The following SLC9A3 variants were observed in gnomAD, a reference collection of about 807,000 sequenced individuals.
SLC9A3 encodes the protein solute carrier family 9 member A3.
A neutral mutation model predicts 86.8 loss-of-function variants in SLC9A3; 37 were observed. The ratio of observed to expected loss-of-function variants is 0.43; its 90% confidence interval spans 0.33 to 0.56. The LOEUF (loss-of-function observed/expected upper bound fraction) is 0.56, where lower values mean the gene tolerates loss of function less well. Among genes scored for constraint, SLC9A3 ranks in the 20% least tolerant of loss-of-function variants. The probability of loss-of-function intolerance (pLI) is 0.06; values close to 1 mark genes in which losing one functional copy is unlikely to be tolerated. For synonymous variants in SLC9A3, 581 were observed against 528.3 expected (o/e 1.10, Z -1.37); for missense variants, 1,011 against 1,171.9 (o/e 0.86, Z 2.00).
At chr5:481,229 G>A (rs145312643) in intron 9 of SLC9A3, among the ~76,000 whole-genome samples, 82 of 152,360 alleles carry the variant, frequency 5.4e-4, no homozygotes, top group African/African-American at 1.9e-3. Context: ...TGTTTATGAC[G>A]TGGAGGAAAT....
At chr5:473,653 G>A (rs891492071) in intron 16 of SLC9A3, among the ~76,000 whole-genome samples, 4 of 152,298 alleles carry the variant, frequency 2.6e-5, no homozygotes, top group African/African-American at 7.2e-5. Context: ...GGAAGGTCCC[G>A]CCCCAGGCCC....
In SLC9A3 at chr5:502,284, C is replaced by A. The variant is rs778506531; in HGVS notation, c.212-10213G>T. On this transcript the variant is annotated intron_variant, in intron 1 of 16. Coordinates refer to ENST00000264938, the MANE Select transcript of SLC9A3 (RefSeq NM_004174.4). ...TCTGGGACCCAGCCGCTCCGGCCCC[C>A]CACCCCCAGAGACGGCCCAGGCCCC... Among the ~76,000 whole-genome samples the A allele has an allele frequency of 8.9e-4, 135 of 152,228 alleles. 3 individuals are homozygous for A. The highest frequency in any genetic ancestry group is 9.8e-4 in the Admixed American group (15 of 15,288).
At chr5:488,076 C>A (rs916566418) in intron 3 of SLC9A3, among the ~76,000 whole-genome samples, 1 of 152,248 alleles carries the variant, frequency 6.6e-6, no homozygotes, top group Non-Finnish European at 1.5e-5. Flanking sequence ...CCATCATTAA[C>A]CCTGAAGCTA....
chr5:476,175 C>T (rs1234319407), intron 13 of SLC9A3, 27 bp downstream of exon 13: 4 of 1,613,006 alleles, frequency 2.5e-6, no homozygotes, highest in Non-Finnish European at 3.4e-6. Flanking sequence ...CCCAGCCCCG[C>T]CAAGCCTCCT....
intron 3 of SLC9A3, 90 bp from the exon 4 acceptor site, chr5:485,321 G>T: frequency 9.5e-7 from 1 of 1,054,328 alleles, no homozygotes; most frequent in Non-Finnish European, 1.5e-6. Flanking sequence ...TGGCCCGAGT[G>T]TGGAGCCCAT....
intron 5 of SLC9A3, 64 bp from the exon 6 acceptor site, chr5:483,546 G>T (rs1160290386): frequency 8.4e-6 from 10 of 1,195,692 alleles, no homozygotes; most frequent in Non-Finnish European, 1.1e-5. Flanking sequence ...CCCCGTGTCC[G>T]CCCAGCCCCC....
At chr5:482,201 A>C in intron 7 of SLC9A3, 44 bp from the exon 8 acceptor site, 15 of 1,421,822 alleles carry the variant, frequency 1.1e-5, no homozygotes, top group Non-Finnish European at 1.5e-5. Context: ...GCAGCCCCCC[A>C]CATCCCGCTG....
chr5:517,838 C>CA (rs1731655038), intron 1 of SLC9A3, among the ~76,000 whole-genome samples: 1 of 146,320 alleles, frequency 6.8e-6, no homozygotes, highest in Non-Finnish European at 1.5e-5. Context: ...TCCATCCATC[C>CA]ACTCATCCAC....
chr5:476,622 C>CG lies in SLC9A3; in HGVS notation c.1810dup (p.Arg604ProfsTer124). ...CTCCGCGTCCCGGATGCTCCGCCGT[C>CG]GCTGCTCCAGAGACTGCATGTCCAG... On this transcript the variant is annotated frameshift_variant, in exon 12 of 17. Transcript: ENST00000264938. LOFTEE classifies it high-confidence loss of function. 1 of 1,609,404 alleles carries CG rather than the reference C, an allele frequency of 6.2e-7. No homozygotes were observed. Among genetic ancestry groups the CG allele is most frequent in the Non-Finnish European group, 8.5e-7 (1 of 1,179,888 alleles).
At chr5:502,730 T>C (rs1453820694) in intron 1 of SLC9A3, among the ~76,000 whole-genome samples, 1 of 152,300 alleles carries the variant, frequency 6.6e-6, no homozygotes, top group East Asian at 1.9e-4. Context: ...AGGCAGATTG[T>C]GAGTATTTTA....
intron 1 of SLC9A3, among the ~76,000 whole-genome samples, chr5:521,229 C>T (rs1396428336): frequency 3.3e-5 from 5 of 152,370 alleles, no homozygotes; most frequent in South Asian, 4.1e-4. Context: ...GAGCCCTTGC[C>T]GGAGCCAGAC....
rs1738476444 is a variant in SLC9A3, at chr5:473,121, G to A, written c.*258C>T. Reference sequence around the variant, plus strand: ...GCGCGCCGCCGCCGAACGCGCGTGCGCACTCGGCAGCCCTCGGCGCTCCGG... The same window carrying A: ...GCGCGCCGCCGCCGAACGCGCGTGCACACTCGGCAGCCCTCGGCGCTCCGG... On this transcript the variant is annotated 3_prime_UTR_variant, in exon 17 of 17. Transcript: ENST00000264938. 7.1e-6 allele frequency: 1 copy of A among 140,454 alleles called. No individual in the cohort carries two copies. Among genetic ancestry groups the A allele is most frequent in the Non-Finnish European group, 1.4e-5 (1 of 72,422 alleles). 8.7% of individuals were successfully genotyped at this position (140,454 alleles called of 1,614,324 possible). A position where few individuals can be genotyped will look rare whatever the true frequency, so the allele number is the denominator to read the frequency against.
Position 475,075 on chromosome 5 carries a change from C to T in SLC9A3, c.2309G>A (p.Arg770Lys), listed in dbSNP as rs1371016808. ...DEALDRSLLA[R>K]LPPWLSPGET... ...CCCGGGAGACAGCCAGGGCGGCAGC[C>T]TGGCCAGGAGGCTGCGGTCCAGGGC... The change falls in exon 16 of 17, where the codon AGG becomes AAG. Residue 770 changes from arginine to lysine, a missense_variant. Around this residue, in one of 3 missense-constraint regions of SLC9A3, gnomAD observed 397 missense variants for 346.3 expected, o/e 1.15. Transcript: ENST00000264938. The T allele has an allele frequency of 1.2e-6, 2 of 1,611,712 alleles. No homozygotes were observed. Among genetic ancestry groups the T allele is most frequent in the Non-Finnish European group, 8.5e-7 (1 of 1,179,444 alleles).
At chr5:486,627 T>G (rs1279089389) in intron 3 of SLC9A3, among the ~76,000 whole-genome samples, 1 of 152,148 alleles carries the variant, frequency 6.6e-6, no homozygotes, top group African/African-American at 2.4e-5. Flanking sequence ...GGCCAAATTG[T>G]GCCCCCGAAA....
At chr5:494,593 A>G (rs916101488) in intron 1 of SLC9A3, among the ~76,000 whole-genome samples, 2 of 152,106 alleles carry the variant, frequency 1.3e-5, no homozygotes, top group Non-Finnish European at 2.9e-5. Context: ...TCCAGAGAGA[A>G]GTGGAGTTTA....
At chr5:513,873 C>T (rs1288786403) in intron 1 of SLC9A3, among the ~76,000 whole-genome samples, 2 of 152,246 alleles carry the variant, frequency 1.3e-5, no homozygotes, top group African/African-American at 4.8e-5. Flanking sequence ...TTTGTCAGCA[C>T]CTCTGGCGAC....
At chr5:488,251 G>T in intron 3 of SLC9A3, 65 bp downstream of exon 3, 3 of 1,561,094 alleles carry the variant, frequency 1.9e-6, no homozygotes, top group Non-Finnish European at 2.6e-6. Context: ...TGACCGATGG[G>T]GGGTGAGACG....
At chr5:487,729 A>G (rs1346800761) in intron 3 of SLC9A3, among the ~76,000 whole-genome samples, 2 of 152,206 alleles carry the variant, frequency 1.3e-5, no homozygotes, top group African/African-American at 4.8e-5. Flanking sequence ...GTGCGATGGC[A>G]CGATCTCGGC....
At chr5:483,672 C>T (rs935436460) in intron 5 of SLC9A3, among the ~76,000 whole-genome samples, 190 bp from the exon 6 acceptor site, 10 of 152,316 alleles carry the variant, frequency 6.6e-5, no homozygotes, top group East Asian at 3.9e-4. Context: ...GGGCCACAGG[C>T]GGCATCACCG....
Sources: gnomAD v4.1 joint callset for allele counts (sites outside exome capture counted in the v4.1 genomes callset) on GRCh38, gnomAD v4.1.1 for gene constraint, gnomAD v4.1.1 regional missense constraint, MANE v1.5 for transcripts, NCBI Gene and HGNC (gene_info 2026-07-23, HGNC 2026-07-21) for gene names.